The following STXBP5L variants were observed in gnomAD, a reference collection of about 807,000 sequenced individuals.
STXBP5L encodes the protein syntaxin binding protein 5L.
In STXBP5L, 65 loss-of-function variants were observed where a neutral mutation model predicts 144.5. The ratio of observed to expected loss-of-function variants is 0.45; its 90% confidence interval spans 0.37 to 0.55. The LOEUF is 0.55. STXBP5L is among the 20% of genes least tolerant of loss of function. STXBP5L has a pLI of 0.00. For missense variants in STXBP5L, 1,298 were observed against 1,405.5 expected (o/e 0.92, Z 1.22); for synonymous variants, 505 against 469.6 (o/e 1.08, Z -0.97).
intron 20 of STXBP5L, among the ~76,000 whole-genome samples, chr3:121,373,582 T>G (rs952876886): frequency 1.3e-5 from 2 of 152,146 alleles, no homozygotes; most frequent in African/African-American, 4.8e-5. Flanking sequence ...GTGGTATAAC[T>G]GCATTTCTGG....
At chr3:121,328,093 A>C (rs765299449) in intron 20 of STXBP5L, among the ~76,000 whole-genome samples, 18 of 152,224 alleles carry the variant, frequency 1.2e-4, no homozygotes, top group Middle Eastern at 3.2e-3. Context: ...TATTATATAC[A>C]ATTGAAGGCT....
chr3:120,982,831 G>A (rs9857987), intron 3 of STXBP5L, among the ~76,000 whole-genome samples: 15,095 of 152,120 alleles, frequency 0.099, 1,179 homozygotes, highest in Admixed American at 0.2. Context: ...CCAATTTCCA[G>A]GCCCCTAGAT....
chr3:121,273,791 T>C (rs548903610), intron 18 of STXBP5L, among the ~76,000 whole-genome samples: 1 of 152,234 alleles, frequency 6.6e-6, no homozygotes, highest in Admixed American at 6.5e-5. Context: ...GTTTTCAAAT[T>C]TTTTCTTTTG....
chr3:121,363,199 G>T (rs778130810), intron 20 of STXBP5L, among the ~76,000 whole-genome samples: 14 of 152,108 alleles, frequency 9.2e-5, no homozygotes, highest in Non-Finnish European at 1.8e-4. Context: ...TGCAGCCTGG[G>T]GTTATGGGAG....
intron 13 of STXBP5L, among the ~76,000 whole-genome samples, chr3:121,239,974 T>A (rs1164224714): frequency 6.6e-6 from 1 of 152,128 alleles, no homozygotes; most frequent in Non-Finnish European, 1.5e-5. Context: ...TTAAATAACA[T>A]TCTAGAATTT....
intron 20 of STXBP5L, among the ~76,000 whole-genome samples, chr3:121,349,052 G>A (rs1180213439): frequency 1.3e-5 from 2 of 151,828 alleles, no homozygotes; most frequent in Admixed American, 6.6e-5. Flanking sequence ...GTGATGTTAG[G>A]GTGTCAGTTT....
chr3:121,171,932 C>T (rs1366844216), intron 9 of STXBP5L, among the ~76,000 whole-genome samples: 2 of 152,178 alleles, frequency 1.3e-5, no homozygotes, highest in Admixed American at 6.5e-5. Flanking sequence ...GGAGGCATCA[C>T]ACTACTTGAC....
At chr3:121,316,135 A>T (rs1196855257) in intron 19 of STXBP5L, among the ~76,000 whole-genome samples, 1 of 152,154 alleles carries the variant, frequency 6.6e-6, no homozygotes. Flanking sequence ...AAAAATGTTT[A>T]TTTTTAAATA....
At chr3:121,182,202 C>T (rs947914438) in intron 9 of STXBP5L, among the ~76,000 whole-genome samples, 1 of 152,074 alleles carries the variant, frequency 6.6e-6, no homozygotes, top group Non-Finnish European at 1.5e-5. Context: ...AACATTCAAC[C>T]CAAGTGCAGA....
In STXBP5L at chr3:121,058,546, G is replaced by A. The variant is rs558404303; in HGVS notation, c.470+13011G>A. 9.6e-3 allele frequency among the ~76,000 whole-genome samples: 1,466 copies of A among 152,252 alleles called. 9 individuals carry two copies. The highest frequency in any genetic ancestry group is 0.015 in the Non-Finnish European group (995 of 68,024). On this transcript the variant is annotated intron_variant, in intron 5 of 26. Coordinates refer to ENST00000471454, the MANE Select transcript of STXBP5L (RefSeq NM_001308330.2). ...TCTGATTCTAGATCCTTGAAGAATC[G>A]CCACAGTCTCTTCCACAATGGCTGA...
rs146017828 is a variant in STXBP5L, at chr3:121,093,689, G to A, written c.471-21236G>A. 6.0e-3 allele frequency among the ~76,000 whole-genome samples: 917 copies of A among 151,930 alleles called. 6 individuals carry two copies. Among genetic ancestry groups the A allele is most frequent in the African/African-American group, 0.02 (843 of 41,416 alleles). ...TTTTTCTTTATTAGTCTTGCTAGCC[G>A]TCTATCAATTTTGTTGATCCTTTCA... is the stretch of plus-strand genomic sequence containing the variant. On this transcript the variant is annotated intron_variant, in intron 5 of 26. Coordinates refer to ENST00000471454, the MANE Select transcript of STXBP5L (RefSeq NM_001308330.2).
intron 4 of STXBP5L, among the ~76,000 whole-genome samples, chr3:121,044,462 T>G (rs192373991): frequency 2.0e-4 from 31 of 152,312 alleles, no homozygotes; most frequent in Admixed American, 1.8e-3. Context: ...TATCTGTGAT[T>G]GATACTGTAA....
chr3:121,328,989 TA>T (rs1380427069), intron 20 of STXBP5L, among the ~76,000 whole-genome samples: 3 of 151,822 alleles, frequency 2.0e-5, no homozygotes, highest in African/African-American at 4.8e-5. Flanking sequence ...ATAATCACCT[TA>T]AAAAGCCCAG....
At position 121,088,044 on chromosome 3, in the gene STXBP5L, C is replaced by A. The variant is rs138957791; in HGVS notation, c.471-26881C>A. ...ACTATGTTATTTCAGCTTTAACCAT[C>A]AAATATAATTTAGAAGCTCCGGCAA... On this transcript the variant is annotated intron_variant, in intron 5 of 26. Coordinates refer to ENST00000471454, the MANE Select transcript of STXBP5L (RefSeq NM_001308330.2). 3.1e-4 allele frequency among the ~76,000 whole-genome samples: 47 copies of A among 152,146 alleles called. 1 individual carries two copies. In the East Asian group the frequency reaches 8.3e-3, roughly 27 times the overall value.
intron 20 of STXBP5L, among the ~76,000 whole-genome samples, chr3:121,334,983 G>A (rs1170170085): frequency 3.9e-5 from 6 of 152,100 alleles, no homozygotes; most frequent in Admixed American, 6.6e-5. Flanking sequence ...AAGAAATGAA[G>A]AGCATTCAAA....
At chr3:121,052,341 C>A (rs1459863511) in intron 5 of STXBP5L, among the ~76,000 whole-genome samples, 1 of 152,092 alleles carries the variant, frequency 6.6e-6, no homozygotes, top group Admixed American at 6.5e-5. Context: ...ATGCAAAAAT[C>A]CTCAATAAAA....
intron 3 of STXBP5L, among the ~76,000 whole-genome samples, chr3:120,978,169 C>G (rs1200071885): frequency 6.6e-6 from 1 of 152,218 alleles, no homozygotes; most frequent in Non-Finnish European, 1.5e-5. Flanking sequence ...CTCCCTGTCA[C>G]TTTCAGATAC....
rs539466312 is a variant in STXBP5L at position 121,236,514 on chromosome 3, CAA to C, written c.1185-2456_1185-2455del. Among the ~76,000 whole-genome samples, 561 of 152,176 alleles carry C rather than the reference CAA, an allele frequency of 3.7e-3. 7 individuals are homozygous for C. The highest frequency in any genetic ancestry group is 0.011 in the African/African-American group (475 of 41,530). On this transcript the variant is annotated intron_variant, in intron 12 of 26. Transcript: ENST00000471454. ...AGAAATCACATGGTGAGAAAGAAGG[CAA>C]GAGAGAGAGGGGACAGGTTTCAGGC...
At chr3:121,328,749 C>CAAA (rs747836182) in intron 20 of STXBP5L, among the ~76,000 whole-genome samples, 1 of 144,188 alleles carries the variant, frequency 6.9e-6, no homozygotes, top group African/African-American at 2.6e-5. Flanking sequence ...GACTCTGTCT[C>CAAA]AAAAAAAAAA....
Sources: allele counts gnomAD v4.1 joint callset (sites outside exome capture counted in the v4.1 genomes callset), GRCh38; gene constraint gnomAD v4.1.1; transcripts MANE v1.5; gene names NCBI Gene and HGNC (gene_info 2026-07-23, HGNC 2026-07-21).